MARCHF6: variants seen among roughly 807,000 people sequenced by gnomAD.
MARCHF6 encodes the protein membrane associated ring-CH-type finger 6.
MARCHF6 carries 31 observed loss-of-function variants against 133.7 expected under a neutral mutation model. The ratio of observed to expected loss-of-function variants is 0.23; its 90% CI spans 0.17 to 0.31. MARCHF6 has a LOEUF of 0.31. Among genes scored for constraint, MARCHF6 ranks in the 10% least tolerant of loss-of-function variants. The pLI is 1.00. For synonymous variants in MARCHF6, 395 were observed against 402.5 expected (o/e 0.98, Z 0.22); for missense variants, 723 against 1,121.6 (o/e 0.64, Z 5.08).
intron 23 of MARCHF6, 143 bp from the exon 24 acceptor site, chr5:10,426,247 T>G (rs1314945627): frequency 1.2e-6 from 1 of 815,818 alleles, no homozygotes. Flanking sequence ...TATGTTGATA[T>G]ACCAGAATTT....
At chr5:10,412,599 G>C (rs905649255) in intron 19 of MARCHF6, among the ~76,000 whole-genome samples, 2 of 152,052 alleles carry the variant, frequency 1.3e-5, no homozygotes, top group African/African-American at 2.4e-5. Context: ...TTTGAGACAG[G>C]GTCTTGCTCT....
At chr5:10,409,294 G>T (rs1739090673) in intron 17 of MARCHF6, among the ~76,000 whole-genome samples, 1 of 152,214 alleles carries the variant, frequency 6.6e-6, no homozygotes, top group African/African-American at 2.4e-5. Context: ...TAGAAAGTGG[G>T]CAGGATGGGG....
chr5:10,381,469 A>G (rs1339008818), intron 3 of MARCHF6, among the ~76,000 whole-genome samples: 1 of 152,122 alleles, frequency 6.6e-6, no homozygotes, highest in Non-Finnish European at 1.5e-5. Flanking sequence ...AGTTTGGGAA[A>G]CCAGATGATT....
chr5:10,370,474 T>G (rs1736403417), intron 1 of MARCHF6, among the ~76,000 whole-genome samples: 1 of 152,196 alleles, frequency 6.6e-6, no homozygotes, highest in Non-Finnish European at 1.5e-5. Context: ...TTTTAACTAT[T>G]TTTAAGTATA....
chr5:10,385,300 CTT>C (rs1436486753), intron 4 of MARCHF6, among the ~76,000 whole-genome samples: 1 of 152,036 alleles, frequency 6.6e-6, no homozygotes, highest in African/African-American at 2.4e-5. Context: ...CATCTGTACA[CTT>C]AAGATTTATG....
At chr5:10,401,736 C>A in intron 11 of MARCHF6, 1 of 350,564 alleles carries the variant, frequency 2.9e-6, no homozygotes, top group Non-Finnish European at 5.1e-6. Context: ...TAGCCTTTAG[C>A]AAATCTGCTT....
At chr5:10,385,482 G>A (rs1438998117) in intron 4 of MARCHF6, among the ~76,000 whole-genome samples, 1 of 152,142 alleles carries the variant, frequency 6.6e-6, no homozygotes, top group Non-Finnish European at 1.5e-5. Context: ...AAATACATCT[G>A]TAATCATAAG....
intron 9 of MARCHF6, 144 bp from the exon 10 acceptor site, chr5:10,397,149 A>C (rs1288947391): frequency 1.9e-6 from 1 of 539,528 alleles, no homozygotes; most frequent in African/African-American, 1.9e-5. Context: ...TATTATGTCT[A>C]GATTGAAATC....
intron 1 of MARCHF6, among the ~76,000 whole-genome samples, chr5:10,363,244 T>C (rs1735931778): frequency 6.6e-6 from 1 of 152,116 alleles, no homozygotes; most frequent in Non-Finnish European, 1.5e-5. Flanking sequence ...CTTAACAGAA[T>C]GAAGACAGGA....
intron 24 of MARCHF6, 111 bp from the exon 25 acceptor site, chr5:10,429,782 G>T: frequency 2.4e-6 from 2 of 822,290 alleles, no homozygotes; most frequent in Non-Finnish European, 3.9e-6. Flanking sequence ...CAGACCTGGG[G>T]CTTAGAAAGC....
chr5:10,403,309 T>C (rs1389874683), intron 14 of MARCHF6, 98 bp from the exon 15 acceptor site: 1 of 1,182,658 alleles, frequency 8.5e-7, no homozygotes. Context: ...AATTGTTCCT[T>C]GCATGCATAT....
At chr5:10,428,035 A>G (rs895223124) in intron 24 of MARCHF6, among the ~76,000 whole-genome samples, 1 of 152,148 alleles carries the variant, frequency 6.6e-6, no homozygotes, top group Non-Finnish European at 1.5e-5. Flanking sequence ...ACTCCAATCT[A>G]GCCCAGGCAA....
chr5:10,387,121 T>A, intron 5 of MARCHF6, 55 bp downstream of exon 5: 1 of 1,251,978 alleles, frequency 8.0e-7, no homozygotes, highest in South Asian at 1.4e-5. Flanking sequence ...TGCTTGCTTT[T>A]TTCCTTGCAT....
chr5:10,362,282 G>A (rs778707509), intron 1 of MARCHF6, among the ~76,000 whole-genome samples: 1 of 152,086 alleles, frequency 6.6e-6, no homozygotes, highest in Non-Finnish European at 1.5e-5. Flanking sequence ...TGTCTACTAC[G>A]TATCTAGGAC....
chr5:10,371,000 T>C (rs1435180929), intron 1 of MARCHF6, among the ~76,000 whole-genome samples: 1 of 152,178 alleles, frequency 6.6e-6, no homozygotes, highest in African/African-American at 2.4e-5. Flanking sequence ...AAGGTAGTTG[T>C]GGGGAAGAAG....
chr5:10,358,072 A>G (rs565552922), intron 1 of MARCHF6, among the ~76,000 whole-genome samples: 3 of 151,368 alleles, frequency 2.0e-5, no homozygotes, highest in African/African-American at 7.3e-5. Flanking sequence ...ATATAGCAGT[A>G]AAGGAAGGCC....
At chr5:10,379,639 T>G (rs1445640460) in intron 3 of MARCHF6, among the ~76,000 whole-genome samples, 1 of 152,078 alleles carries the variant, frequency 6.6e-6, no homozygotes, top group Non-Finnish European at 1.5e-5. Flanking sequence ...TTTTTTGTAT[T>G]TTTAGTAGAG....
intron 23 of MARCHF6, 107 bp downstream of exon 23, chr5:10,423,931 A>AT (rs1460171482): frequency 5.7e-5 from 37 of 644,652 alleles, no homozygotes; most frequent in Admixed American, 2.2e-4. Flanking sequence ...AGTTTTCTAC[A>AT]TTTTTTTTGA....
chr5:10,358,002 C>T (rs1439187418), intron 1 of MARCHF6, among the ~76,000 whole-genome samples: 49 of 130,464 alleles, frequency 3.8e-4, no homozygotes, highest in African/African-American at 1.3e-3. Flanking sequence ...GAGTCTTGCT[C>T]TGTCACCCAG....
Sources: allele counts gnomAD v4.1 joint callset (sites outside exome capture counted in the v4.1 genomes callset), GRCh38; gene constraint gnomAD v4.1.1; transcripts MANE v1.5; gene names NCBI Gene and HGNC (gene_info 2026-07-23, HGNC 2026-07-21).